Variants in ICA1 observed in about 807,000 individuals in gnomAD.
ICA1 encodes 69 kDa islet cell autoantigen.
ICA1 carries 40 observed loss-of-function variants against 71.0 expected under a neutral mutation model. The ratio of observed to expected loss-of-function variants is 0.56; its 90% CI spans 0.44 to 0.73. The LOEUF is 0.73. Ranked by LOEUF, ICA1 falls within the 30% of genes least tolerant of loss-of-function variation. The pLI is 0.00. For missense variants in ICA1, 578 were observed against 576.5 expected, an observed-to-expected ratio of 1.00 and a Z score of -0.03; for synonymous variants, 207 against 209.5, an observed-to-expected ratio of 0.99 and a Z score of 0.10.
chr7:8,191,359 C>T (rs1026143794), intron 6 of ICA1, among the ~76,000 whole-genome samples: 2 of 152,124 alleles, frequency 1.3e-5, no homozygotes, highest in African/African-American at 4.8e-5. Flanking sequence ...TTGACTTTGC[C>T]AAGATGCAAA....
At chr7:8,202,327 C>T (rs955339667) in intron 6 of ICA1, among the ~76,000 whole-genome samples, 2 of 152,172 alleles carry the variant, frequency 1.3e-5, no homozygotes, top group Non-Finnish European at 2.9e-5. Flanking sequence ...TATGTAACCT[C>T]TCTAAGCGTC....
intron 8 of ICA1, among the ~76,000 whole-genome samples, chr7:8,145,363 C>A (rs1471935295): frequency 6.6e-6 from 1 of 152,092 alleles, no homozygotes; most frequent in Non-Finnish European, 1.5e-5. Context: ...CTCCCATGTG[C>A]TAGTTTCTTC....
intron 8 of ICA1, among the ~76,000 whole-genome samples, chr7:8,150,087 T>C (rs575964575): frequency 6.6e-6 from 1 of 152,276 alleles, no homozygotes; most frequent in South Asian, 2.1e-4. Context: ...ATAAACAAGA[T>C]AGGTAATATT....
intron 6 of ICA1, among the ~76,000 whole-genome samples, chr7:8,161,138 G>A (rs1036657894): frequency 2.0e-5 from 3 of 152,214 alleles, no homozygotes; most frequent in South Asian, 2.1e-4. Context: ...CCTGGTGTGT[G>A]TCAGGACCAA....
Position 8,218,464 on chromosome 7 carries a change from T to C in ICA1, c.420A>G (p.Glu140=), listed in dbSNP as rs766159506. 4 of 1,614,110 alleles carry C rather than the reference T, an allele frequency of 2.5e-6. No individual in the cohort carries two copies. The highest frequency in any genetic ancestry group is 2.2e-5 in the South Asian group (2 of 91,078). Reference sequence around the variant, plus strand: ...TGGCCCGATGCCGAAAAGTCTCCACTTCTTGGTGAAATCGACACAAAGGAT... The same window carrying C: ...TGGCCCGATGCCGAAAAGTCTCCACCTCTTGGTGAAATCGACACAAAGGAT... ...LRNPLCRFHQ[E]VETFRHRAIS... The change falls in exon 6 of 14, where the codon GAA becomes GAG. Residue 140 remains glutamate, a synonymous_variant. Coordinates refer to ENST00000402384, the MANE Select transcript of ICA1 (RefSeq NM_001136020.3).
intron 8 of ICA1, among the ~76,000 whole-genome samples, chr7:8,146,539 TC>T (rs1796962771): frequency 1.3e-5 from 2 of 152,002 alleles, no homozygotes; most frequent in Admixed American, 6.6e-5. Flanking sequence ...TTTTGCTCTG[TC>T]TCCCTAATGC....
intron 12 of ICA1, among the ~76,000 whole-genome samples, chr7:8,136,203 G>C (rs1370608141): frequency 1.3e-5 from 2 of 152,122 alleles, no homozygotes; most frequent in African/African-American, 4.8e-5. Flanking sequence ...GTCACGAGCG[G>C]TCTGCTTTTT....
At chr7:8,142,065 C>T in intron 9 of ICA1, 1 of 1,364,360 alleles carries the variant, frequency 7.3e-7, no homozygotes, top group Non-Finnish European at 9.8e-7. Flanking sequence ...TCTAGATGGG[C>T]AGTTAGATAT....
At chr7:8,220,808 G>C (rs1424364764) in intron 5 of ICA1, among the ~76,000 whole-genome samples, 2 of 152,102 alleles carry the variant, frequency 1.3e-5, no homozygotes, top group Non-Finnish European at 2.9e-5. Context: ...CACACTCCCG[G>C]GTTATGGTCC....
chr7:8,191,482 A>C (rs958401546), intron 6 of ICA1, among the ~76,000 whole-genome samples: 1 of 152,184 alleles, frequency 6.6e-6, no homozygotes, highest in Non-Finnish European at 1.5e-5. Flanking sequence ...ACTGTAGTAT[A>C]GTATAGGTTT....
chr7:8,120,132 C>G (rs921917050), intron 13 of ICA1, among the ~76,000 whole-genome samples: 1 of 152,150 alleles, frequency 6.6e-6, no homozygotes, highest in African/African-American at 2.4e-5. Flanking sequence ...GAACAGTACA[C>G]CTCAGAATGT....
intron 6 of ICA1, among the ~76,000 whole-genome samples, chr7:8,199,069 C>A (rs966688759): frequency 6.6e-6 from 1 of 152,146 alleles, no homozygotes; most frequent in Non-Finnish European, 1.5e-5. Flanking sequence ...GTTAAAATGG[C>A]CTTTATCCAA....
chr7:8,151,519 AAT>A (rs1798796502), intron 8 of ICA1, among the ~76,000 whole-genome samples: 1 of 152,216 alleles, frequency 6.6e-6, no homozygotes, highest in African/African-American at 2.4e-5. Context: ...AAGTAATGAC[AAT>A]GAGAGAAAAC....
intron 6 of ICA1, among the ~76,000 whole-genome samples, chr7:8,182,874 T>G (rs1201102920): frequency 2.0e-5 from 3 of 152,228 alleles, no homozygotes; most frequent in Non-Finnish European, 4.4e-5. Context: ...AATCTCCACA[T>G]GGGGAGATTA....
At chr7:8,178,318 T>C (rs185843315) in intron 6 of ICA1, among the ~76,000 whole-genome samples, 4 of 152,310 alleles carry the variant, frequency 2.6e-5, no homozygotes, top group Admixed American at 2.0e-4. Context: ...GTTCGTTATA[T>C]ACCTCTATTA....
At chr7:8,253,472 A>G (rs979021383) in intron 1 of ICA1, among the ~76,000 whole-genome samples, 1 of 152,226 alleles carries the variant, frequency 6.6e-6, no homozygotes, top group Non-Finnish European at 1.5e-5. Context: ...GTATCCACAA[A>G]TGTAAAATGT....
chr7:8,187,580 G>T (rs1316325842), intron 6 of ICA1, among the ~76,000 whole-genome samples: 1 of 152,040 alleles, frequency 6.6e-6, no homozygotes, highest in Non-Finnish European at 1.5e-5. Context: ...TTCTTTCTTT[G>T]ATAATAAATT....
At chr7:8,179,168 G>A (rs10264092) in intron 6 of ICA1, among the ~76,000 whole-genome samples, 146,503 of 152,270 alleles carry the variant, frequency 0.96, 70,577 homozygotes, top group East Asian at 1. Flanking sequence ...GTCTCTAAAT[G>A]ACTTCTTAGA....
At chr7:8,212,788 C>G (rs1794231990) in intron 6 of ICA1, among the ~76,000 whole-genome samples, 1 of 152,158 alleles carries the variant, frequency 6.6e-6, no homozygotes, top group Non-Finnish European at 1.5e-5. Context: ...CAGCCAGCCA[C>G]CAGCTCTGCA....
Sources: allele counts gnomAD v4.1 joint callset (sites outside exome capture counted in the v4.1 genomes callset), GRCh38; gene constraint gnomAD v4.1.1; transcripts MANE v1.5; gene names NCBI Gene and HGNC (gene_info 2026-07-23, HGNC 2026-07-21).